The following TDRD3 variants were observed in gnomAD, a reference collection of about 807,000 sequenced individuals.
TDRD3 encodes tudor domain containing 3.
Under a neutral mutation model 86.7 loss-of-function variants are expected in TDRD3, and 45 were observed. The observed-to-expected ratio is 0.52, with a 90% confidence interval of 0.41 to 0.67. The LOEUF (loss-of-function observed/expected upper bound fraction) is 0.67, where lower values mean the gene tolerates loss of function less well. Among genes scored for constraint, TDRD3 ranks in the 30% least tolerant of loss-of-function variants. TDRD3 has a pLI of 0.00. For synonymous variants in TDRD3, 298 were observed against 301.7 expected, an observed-to-expected ratio of 0.99 and a Z score of 0.13; for missense variants, 814 against 889.0, an observed-to-expected ratio of 0.92 and a Z score of 1.07.
intron 12 of TDRD3, among the ~76,000 whole-genome samples, chr13:60,565,224 T>A (rs1406078088): frequency 6.7e-6 from 1 of 150,030 alleles, no homozygotes; most frequent in African/African-American, 2.5e-5. Context: ...CCCGGCTAAT[T>A]TTTTGTATTT....
chr13:60,493,247 T>C (rs543868304), intron 7 of TDRD3, among the ~76,000 whole-genome samples: 1 of 152,280 alleles, frequency 6.6e-6, no homozygotes, highest in East Asian at 1.9e-4. Flanking sequence ...TATTGTATTA[T>C]ATATAATTTA....
At chr13:60,539,665 A>G (rs1380905291) in intron 12 of TDRD3, among the ~76,000 whole-genome samples, 1 of 151,842 alleles carries the variant, frequency 6.6e-6, no homozygotes, top group African/African-American at 2.4e-5. Flanking sequence ...TTTGTATACA[A>G]TTTATTTTAT....
intron 8 of TDRD3, among the ~76,000 whole-genome samples, chr13:60,497,411 G>A (rs1956742564): frequency 6.6e-6 from 1 of 152,126 alleles, no homozygotes; most frequent in South Asian, 2.1e-4. Context: ...TGCCTAATTA[G>A]CATTTTAGTG....
At chr13:60,487,624 A>G (rs1295060601) in intron 7 of TDRD3, among the ~76,000 whole-genome samples, 2 of 152,162 alleles carry the variant, frequency 1.3e-5, no homozygotes, top group Non-Finnish European at 2.9e-5. Flanking sequence ...CCAATCCCTC[A>G]CGGATACCAA....
chr13:60,488,567 T>C (rs950185616), intron 7 of TDRD3, among the ~76,000 whole-genome samples: 1 of 152,002 alleles, frequency 6.6e-6, no homozygotes, highest in Non-Finnish European at 1.5e-5. Flanking sequence ...TTGGATTGTT[T>C]GGGTTTTTTT....
intron 7 of TDRD3, among the ~76,000 whole-genome samples, chr13:60,487,094 C>T (rs932934030): frequency 6.6e-6 from 1 of 151,860 alleles, no homozygotes; most frequent in Non-Finnish European, 1.5e-5. Context: ...TAAATGTGTA[C>T]AAACTTTTTT....
At chr13:60,512,956 G>A (rs73208081) in intron 10 of TDRD3, among the ~76,000 whole-genome samples, 1 of 152,336 alleles carries the variant, frequency 6.6e-6, no homozygotes, top group Non-Finnish European at 1.5e-5. Context: ...TGAACTCTGT[G>A]TGGGGACTCT....
intron 12 of TDRD3, among the ~76,000 whole-genome samples, chr13:60,561,092 T>C (rs1354077440): frequency 6.6e-6 from 1 of 152,202 alleles, no homozygotes; most frequent in Non-Finnish European, 1.5e-5. Context: ...TACTCAGAGC[T>C]TCAGAAACCA....
chr13:60,531,688 A>G (rs1957585538), intron 11 of TDRD3, among the ~76,000 whole-genome samples: 1 of 152,208 alleles, frequency 6.6e-6, no homozygotes, highest in Non-Finnish European at 1.5e-5. Flanking sequence ...GCAACTCTCT[A>G]CAGGATCAGG....
At chr13:60,440,664 G>A (rs1955241620) in intron 2 of TDRD3, among the ~76,000 whole-genome samples, 1 of 152,056 alleles carries the variant, frequency 6.6e-6, no homozygotes, top group South Asian at 2.1e-4. Flanking sequence ...CTGGGCAACA[G>A]AGTGAGACTC....
At chr13:60,489,776 A>G (rs1262315505) in intron 7 of TDRD3, among the ~76,000 whole-genome samples, 2 of 152,210 alleles carry the variant, frequency 1.3e-5, no homozygotes, top group Admixed American at 6.5e-5. Context: ...TACATTTTAT[A>G]TAATTTGCAT....
intron 1 of TDRD3, among the ~76,000 whole-genome samples, chr13:60,422,584 A>G (rs374603590): frequency 1.3e-5 from 2 of 152,276 alleles, no homozygotes; most frequent in South Asian, 4.1e-4. Context: ...TGGACAATAA[A>G]CAGGGACAAA....
chr13:60,553,996 T>G (rs1213904716), intron 12 of TDRD3, among the ~76,000 whole-genome samples: 1 of 152,234 alleles, frequency 6.6e-6, no homozygotes, highest in Non-Finnish European at 1.5e-5. Context: ...GATAACAATA[T>G]TGGTTGCAAA....
intron 1 of TDRD3, chr13:60,434,117 C>T (rs1323530897): frequency 6.6e-6 from 1 of 152,094 alleles, no homozygotes; most frequent in East Asian, 1.9e-4. Flanking sequence ...ATTTTGACAT[C>T]TCATAAATAG....
chr13:60,546,788 A>G (rs1368791100), intron 12 of TDRD3, among the ~76,000 whole-genome samples: 4 of 152,168 alleles, frequency 2.6e-5, no homozygotes, highest in Non-Finnish European at 4.4e-5. Context: ...TTTAAAAACA[A>G]CTTAATAAAA....
At chr13:60,531,070 A>G (rs930560248) in intron 11 of TDRD3, among the ~76,000 whole-genome samples, 5 of 152,204 alleles carry the variant, frequency 3.3e-5, no homozygotes, top group Non-Finnish European at 7.3e-5. Context: ...GATGATGATT[A>G]TTTAGAAACA....
At chr13:60,566,053 C>T (rs1242252923) in intron 12 of TDRD3, among the ~76,000 whole-genome samples, 1 of 152,126 alleles carries the variant, frequency 6.6e-6, no homozygotes, top group Admixed American at 6.5e-5. Context: ...TTTCTGCATT[C>T]TCTTCTTTCA....
intron 1 of TDRD3, among the ~76,000 whole-genome samples, chr13:60,434,859 G>A (rs1955051926): frequency 6.6e-6 from 1 of 152,132 alleles, no homozygotes; most frequent in African/African-American, 2.4e-5. Context: ...TGTGCACAGG[G>A]ACCGTAACTG....
At chr13:60,569,382 A>G (rs984534739) in intron 13 of TDRD3, among the ~76,000 whole-genome samples, 6 of 152,194 alleles carry the variant, frequency 3.9e-5, no homozygotes, top group African/African-American at 1.4e-4. Context: ...AAAGATCTCT[A>G]CAATGAAAAC....
Sources: gnomAD v4.1 joint callset for allele counts (sites outside exome capture counted in the v4.1 genomes callset) on GRCh38, gnomAD v4.1.1 for gene constraint, MANE v1.5 for transcripts, NCBI Gene and HGNC (gene_info 2026-07-23, HGNC 2026-07-21) for gene names.